Variants in ATXN1 observed in about 807,000 individuals in gnomAD.
The protein encoded by ATXN1 is ataxin 1, also known as ataxin-1.
Under a neutral mutation model 56.4 loss-of-function variants are expected in ATXN1, and 8 were observed. The ratio of observed to expected loss-of-function variants is 0.14; its 90% CI spans 0.08 to 0.26. ATXN1 has a LOEUF of 0.26. ATXN1 is among the 10% of genes least tolerant of loss of function. ATXN1 has a pLI of 1.00. For missense variants in ATXN1, 987 were observed against 1,106.5 expected, an observed-to-expected ratio of 0.89 and a Z score of 1.53; for synonymous variants, 514 against 494.6, an observed-to-expected ratio of 1.04 and a Z score of -0.52.
At chr6:16,551,483 C>T (rs146248378) in intron 4 of ATXN1, among the ~76,000 whole-genome samples, 4 of 151,928 alleles carry the variant, frequency 2.6e-5, no homozygotes, top group Admixed American at 6.6e-5. Context: ...GAGACCATTG[C>T]GGTTGGAGGT....
At chr6:16,429,870 C>T (rs1440456597) in intron 6 of ATXN1, among the ~76,000 whole-genome samples, 1 of 152,186 alleles carries the variant, frequency 6.6e-6, no homozygotes, top group Admixed American at 6.5e-5. Flanking sequence ...CTGAAGATCA[C>T]GTGGTGACTG....
intron 2 of ATXN1, among the ~76,000 whole-genome samples, chr6:16,686,037 G>C (rs1017845903): frequency 6.6e-6 from 1 of 151,658 alleles, no homozygotes; most frequent in African/African-American, 2.4e-5. Context: ...GAAAAGTTCT[G>C]TTTTTTTTGA....
intron 4 of ATXN1, among the ~76,000 whole-genome samples, chr6:16,585,406 T>C (rs984319005): frequency 8.5e-5 from 13 of 152,302 alleles, no homozygotes; most frequent in Admixed American, 5.9e-4. Context: ...CAGAATTATA[T>C]TGTTAAGAGG....
chr6:16,654,028 G>A (rs1758135696), intron 3 of ATXN1, among the ~76,000 whole-genome samples: 1 of 152,144 alleles, frequency 6.6e-6, no homozygotes, highest in Admixed American at 6.5e-5. Context: ...CATAAGCCTG[G>A]TGTTGCTGAA....
intron 2 of ATXN1, among the ~76,000 whole-genome samples, chr6:16,706,035 A>G (rs1383804236): frequency 1.3e-5 from 2 of 151,972 alleles, no homozygotes; most frequent in Non-Finnish European, 2.9e-5. Context: ...GGCCTGCCTC[A>G]CTATGGACCT....
At chr6:16,467,782 T>C (rs1760136486) in intron 6 of ATXN1, among the ~76,000 whole-genome samples, 1 of 152,216 alleles carries the variant, frequency 6.6e-6, no homozygotes, top group African/African-American at 2.4e-5. Flanking sequence ...AAGGAAAACT[T>C]AAAACAGTTC....
intron 6 of ATXN1, among the ~76,000 whole-genome samples, chr6:16,467,537 C>T (rs1445711900): frequency 1.3e-5 from 2 of 152,158 alleles, no homozygotes; most frequent in Non-Finnish European, 2.9e-5. Context: ...GAACACGCAT[C>T]CCAGTGACAG....
At chr6:16,728,313 G>T (rs1759892778) in intron 2 of ATXN1, among the ~76,000 whole-genome samples, 1 of 152,232 alleles carries the variant, frequency 6.6e-6, no homozygotes, top group South Asian at 2.1e-4. Context: ...AAGCAGCTGG[G>T]GAAAACTTTC....
intron 6 of ATXN1, among the ~76,000 whole-genome samples, chr6:16,440,374 G>T (rs1759489436): frequency 6.6e-6 from 1 of 151,294 alleles, no homozygotes; most frequent in Non-Finnish European, 1.5e-5. Flanking sequence ...ATTCAGAAAT[G>T]AAGTGATTGG....
intron 6 of ATXN1, among the ~76,000 whole-genome samples, chr6:16,445,217 GA>G (rs1759607543): frequency 1.3e-5 from 2 of 152,314 alleles, no homozygotes; most frequent in South Asian, 4.1e-4. Context: ...ATGATATTGA[GA>G]AATGACTGTT....
chr6:16,386,087 C>T (rs904826165), intron 6 of ATXN1, among the ~76,000 whole-genome samples: 3 of 152,176 alleles, frequency 2.0e-5, no homozygotes, highest in African/African-American at 4.8e-5. Context: ...TCCTCACATA[C>T]GATGACACAT....
chr6:16,502,066 A>G (rs924434927), intron 5 of ATXN1, among the ~76,000 whole-genome samples: 5 of 152,242 alleles, frequency 3.3e-5, no homozygotes, highest in African/African-American at 1.2e-4. Flanking sequence ...TTAGGCAAGT[A>G]TTAGAAGTTG....
rs181462538 is a variant in ATXN1, at chr6:16,321,602, C to T, written c.1917+4792G>A. On this transcript the variant is annotated intron_variant, in intron 7 of 7. Coordinates refer to ENST00000436367, the MANE Select transcript of ATXN1 (RefSeq NM_001128164.2). The stretch of plus-strand genomic sequence containing the variant: ...AATGCCACAGGGATAGTGACAAACA[C>T]GGAAAAGCATTTTTCTCCTACATTG... Among the ~76,000 whole-genome samples, 12 of 152,358 alleles carry T rather than the reference C, an allele frequency of 7.9e-5. 1 individual carries two copies. In the South Asian group the frequency reaches 2.1e-3, roughly 26 times the overall value.
chr6:16,689,410 C>T (rs1758993540), intron 2 of ATXN1, among the ~76,000 whole-genome samples: 1 of 152,006 alleles, frequency 6.6e-6, no homozygotes, highest in Non-Finnish European at 1.5e-5. Context: ...AACTCCTGGG[C>T]CCATGGGATC....
chr6:16,551,176 T>C (rs971897675), intron 4 of ATXN1, among the ~76,000 whole-genome samples: 9 of 152,236 alleles, frequency 5.9e-5, no homozygotes, highest in African/African-American at 2.2e-4. Context: ...CACATGTATT[T>C]CTGTGATGGG....
At chr6:16,369,051 T>C (rs1282184882) in intron 6 of ATXN1, among the ~76,000 whole-genome samples, 4 of 152,226 alleles carry the variant, frequency 2.6e-5, no homozygotes, top group Non-Finnish European at 5.9e-5. Flanking sequence ...ATTCAATTAA[T>C]GGGGACCAAT....
At chr6:16,557,844 C>T (rs1218792959) in intron 4 of ATXN1, among the ~76,000 whole-genome samples, 3 of 152,128 alleles carry the variant, frequency 2.0e-5, no homozygotes, top group East Asian at 1.9e-4. Flanking sequence ...AAGATTTGAA[C>T]GTAAAAAATG....
intron 3 of ATXN1, among the ~76,000 whole-genome samples, chr6:16,611,332 TAGA>T (rs1763101865): frequency 6.6e-6 from 1 of 152,068 alleles, no homozygotes; most frequent in Non-Finnish European, 1.5e-5. Context: ...AGAAGACAAC[TAGA>T]AGATTAAATA....
At chr6:16,331,303 C>T (rs895132632) in intron 6 of ATXN1, among the ~76,000 whole-genome samples, 1 of 152,186 alleles carries the variant, frequency 6.6e-6, no homozygotes, top group Admixed American at 6.5e-5. Context: ...GCCCTGCCCA[C>T]CTAGGGTTTT....
Sources: allele counts gnomAD v4.1 joint callset (sites outside exome capture counted in the v4.1 genomes callset), GRCh38; gene constraint gnomAD v4.1.1; transcripts MANE v1.5; gene names NCBI Gene and HGNC (gene_info 2026-07-23, HGNC 2026-07-21).